CREB3L2: variants seen among roughly 807,000 people sequenced by gnomAD.
CREB3L2 encodes cAMP responsive element binding protein 3 like 2.
A neutral mutation model predicts 57.2 loss-of-function variants in CREB3L2; 23 were observed. The observed-to-expected ratio is 0.40, with a 90% CI of 0.29 to 0.57. The LOEUF is 0.57. CREB3L2 is among the 20% of genes least tolerant of loss of function. CREB3L2 has a pLI of 0.42. For synonymous variants in CREB3L2, 268 were observed against 265.1 expected (o/e 1.01, Z -0.11); for missense variants, 628 against 634.7 (o/e 0.99, Z 0.11).
intron 1 of CREB3L2, among the ~76,000 whole-genome samples, chr7:138,000,590 G>GA (rs1170090699): frequency 6.6e-6 from 1 of 152,112 alleles, no homozygotes; most frequent in Non-Finnish European, 1.5e-5. Context: ...GCCATTTTGC[G>GA]AAAGTTTCAA....
Position 138,001,212 on chromosome 7 carries a change from T to G in CREB3L2, c.102+392A>C, listed in dbSNP as rs1476324332. Among the ~76,000 whole-genome samples, 2 of 151,560 alleles carry G rather than the reference T, an allele frequency of 1.3e-5. No homozygotes were observed. The highest frequency in any genetic ancestry group is 2.4e-5 in the African/African-American group (1 of 41,192). On this transcript the variant is annotated intron_variant, in intron 1 of 11. Coordinates refer to ENST00000330387, the MANE Select transcript of CREB3L2 (RefSeq NM_194071.4). This position sits in a 1 kb window ranked among gnomAD's most constrained non-coding sequence, Gnocchi z 4.2. ...TACGAGACAGATGAAAAGGAAATGCTACTTAATCTTGTCCAGTTTTTGAAA... is the reference window on the plus strand; with the variant it reads ...TACGAGACAGATGAAAAGGAAATGCGACTTAATCTTGTCCAGTTTTTGAAA...
intron 7 of CREB3L2, 36 bp from the exon 8 acceptor site, chr7:137,901,458 A>G: frequency 7.1e-7 from 1 of 1,415,814 alleles, no homozygotes; most frequent in Non-Finnish European, 1.0e-6. Flanking sequence ...ATTATTATCC[A>G]TAGAGCAAAC....
chr7:137,969,433 G>A (rs972841796), intron 1 of CREB3L2, among the ~76,000 whole-genome samples: 5 of 137,004 alleles, frequency 3.6e-5, no homozygotes, highest in African/African-American at 2.8e-5. Flanking sequence ...TGCAAGCTTC[G>A]CCTCCCGGGT....
rs988604643 is a variant in CREB3L2 at position 137,877,209 on chromosome 7, G to A, written c.*3267C>T. The A allele has an allele frequency of 1.5e-4, 35 of 227,992 alleles. No individual in the cohort carries two copies. The highest frequency in any genetic ancestry group is 2.9e-4 in the Non-Finnish European group (33 of 114,954). The allele number at this position is 227,992 out of a possible 1,614,324, so 14.1% of individuals were successfully genotyped here. A position where few individuals can be genotyped will look rare whatever the true frequency, so the allele number is the denominator to read the frequency against. Reference sequence around the variant, plus strand: ...AAAAAAAAACATGGTAATTATAAGGGGTCTGTGAATAAGTTAAACTAAAAG... The same window carrying A: ...AAAAAAAAACATGGTAATTATAAGGAGTCTGTGAATAAGTTAAACTAAAAG... On this transcript the variant is annotated 3_prime_UTR_variant, in exon 12 of 12. Transcript: ENST00000330387.
At chr7:137,924,468 C>A (rs935259057) in intron 2 of CREB3L2, among the ~76,000 whole-genome samples, 4 of 152,160 alleles carry the variant, frequency 2.6e-5, no homozygotes, top group Non-Finnish European at 4.4e-5. Flanking sequence ...CACAAAGGAA[C>A]ATGACTGAAA....
Position 137,908,533 on chromosome 7 carries a change from G to A in CREB3L2, c.584-97C>T, listed in dbSNP as rs940187564. On this transcript the variant is annotated intron_variant, in intron 4 of 11. Transcript: ENST00000330387. Reference sequence around the variant, plus strand: ...AAACTAAAGTGTGAGGGGCCTCCATGAGCTGACCTGGACAGATCTCCAAGG... The same window carrying A: ...AAACTAAAGTGTGAGGGGCCTCCATAAGCTGACCTGGACAGATCTCCAAGG... 32 of 827,792 alleles carry A rather than the reference G, an allele frequency of 3.9e-5. No homozygotes were observed. In the Admixed American group the frequency reaches 4.3e-4, roughly 11 times the overall value. The allele number at this position is 827,792 out of a possible 1,614,324, so 51.3% of individuals were successfully genotyped here. A position where few individuals can be genotyped will look rare whatever the true frequency, so the allele number is the denominator to read the frequency against.
chr7:137,954,753 G>C (rs1002379437), intron 1 of CREB3L2, among the ~76,000 whole-genome samples: 2 of 152,292 alleles, frequency 1.3e-5, no homozygotes, highest in South Asian at 4.1e-4. Context: ...AAGGCATGGA[G>C]GCTAGAAAGT....
chr7:137,953,485 G>A (rs146442288), intron 1 of CREB3L2: 18 of 1,289,092 alleles, frequency 1.4e-5, no homozygotes, highest in South Asian at 1.1e-4. Flanking sequence ...TTTAAAAAGC[G>A]TCAACCATCC....
intron 2 of CREB3L2, among the ~76,000 whole-genome samples, chr7:137,918,400 AG>A (rs1177804582): frequency 6.6e-6 from 1 of 152,126 alleles, no homozygotes; most frequent in African/African-American, 2.4e-5. Flanking sequence ...CATGTTGACC[AG>A]GCTGGTCTTG....
intron 10 of CREB3L2, 79 bp from the exon 11 acceptor site, chr7:137,882,707 G>C (rs1799323744): frequency 1.0e-6 from 1 of 984,194 alleles, no homozygotes; most frequent in Admixed American, 2.8e-5. Context: ...AGGTGCTCAG[G>C]GCTGGTGGCA....
At chr7:137,912,816 T>C (rs1585618063) in intron 4 of CREB3L2, 175 bp downstream of exon 4, 2 of 1,509,730 alleles carry the variant, frequency 1.3e-6, no homozygotes, top group East Asian at 2.5e-5. Context: ...AATAGTTAGC[T>C]TGCAAAATTT....
intron 1 of CREB3L2, among the ~76,000 whole-genome samples, chr7:137,950,266 T>A (rs1801070657): frequency 6.6e-6 from 1 of 152,196 alleles, no homozygotes; most frequent in East Asian, 1.9e-4. Flanking sequence ...ATGGGATAGC[T>A]ATTCTCACCA....
At chr7:137,966,942 A>G (rs1485202037) in intron 1 of CREB3L2, among the ~76,000 whole-genome samples, 4 of 152,112 alleles carry the variant, frequency 2.6e-5, no homozygotes, top group South Asian at 2.1e-4. Context: ...CCCCAATGTG[A>G]TAGTATTTGG....
rs1259849662 is a variant in CREB3L2, at chr7:137,879,713, G to A, written c.*763C>T. ...AGGCATCGATCTCTTCAGTGTGGTTGCTAGCAGGAAGCCTCGGCAAGCTAA... is the reference window on the plus strand; with the variant it reads ...AGGCATCGATCTCTTCAGTGTGGTTACTAGCAGGAAGCCTCGGCAAGCTAA... On this transcript the variant is annotated 3_prime_UTR_variant, in exon 12 of 12. Transcript: ENST00000330387. 8.5e-6 allele frequency: 2 copies of A among 235,902 alleles called. No homozygotes were observed. Among genetic ancestry groups the A allele is most frequent in the East Asian group, 1.2e-4 (2 of 16,572 alleles). The allele number at this position is 235,902 out of a possible 1,614,324, so 14.6% of individuals were successfully genotyped here.
At position 137,977,983 on chromosome 7, in the gene CREB3L2, A is replaced by C. The variant is rs556240086; in HGVS notation, c.102+23621T>G. Among the ~76,000 whole-genome samples, 12 of 152,150 alleles carry C rather than the reference A, an allele frequency of 7.9e-5. No homozygotes were observed. In the South Asian group the frequency reaches 2.5e-3, roughly 32 times the overall value. ...GGAGGGGAGGGGAGGGGAGGAAGGT[A>C]GAAGCAGTTTCCAAAAGTGCCTTAC... On this transcript the variant is annotated intron_variant, in intron 1 of 11. Transcript: ENST00000330387.
chr7:137,972,844 C>T (rs1390666184), intron 1 of CREB3L2, among the ~76,000 whole-genome samples: 1 of 149,550 alleles, frequency 6.7e-6, no homozygotes, highest in Non-Finnish European at 1.5e-5. Flanking sequence ...GGGAACTAAA[C>T]TCTAAGGCAC....
chr7:137,985,142 T>C (rs1055477901), intron 1 of CREB3L2, among the ~76,000 whole-genome samples: 3 of 152,172 alleles, frequency 2.0e-5, no homozygotes, highest in South Asian at 4.1e-4. Context: ...AAAGCAATAA[T>C]AAGACATTAT....
rs1430153217 is a variant in CREB3L2, at chr7:137,879,276, C to T, written c.*1200G>A. On this transcript the variant is annotated 3_prime_UTR_variant, in exon 12 of 12. Transcript: ENST00000330387. The stretch of plus-strand genomic sequence containing the variant: ...TACCAAAGGTAAGAATGTGGATACA[C>T]AAATGTCACCTACCCCACCCTGCTT... 8 of 533,422 alleles carry T rather than the reference C, an allele frequency of 1.5e-5. No homozygotes were observed. The highest frequency in any genetic ancestry group is 2.9e-5 in the Non-Finnish European group (8 of 275,326). The allele number at this position is 533,422 out of a possible 1,614,324, so 33.0% of individuals were successfully genotyped here. A position where few individuals can be genotyped will look rare whatever the true frequency, so the allele number is the denominator to read the frequency against.
At chr7:137,939,694 T>C (rs1677520) in intron 1 of CREB3L2, among the ~76,000 whole-genome samples, 80,010 of 151,648 alleles carry the variant, frequency 0.53, 22,296 homozygotes, top group East Asian at 0.81. Context: ...ATTCTGTTCT[T>C]GTCATCCATA....
Sources: allele counts gnomAD v4.1 joint callset (sites outside exome capture counted in the v4.1 genomes callset), GRCh38; gene constraint gnomAD v4.1.1; non-coding constraint Gnocchi (gnomAD v3.1); transcripts MANE v1.5; gene names NCBI Gene and HGNC (gene_info 2026-07-23, HGNC 2026-07-21).